LAMB4: variants seen among roughly 807,000 people sequenced by gnomAD.
The protein encoded by LAMB4 is laminin subunit beta-4.
In LAMB4, 196 loss-of-function variants were observed where a neutral mutation model predicts 199.2. That is an observed-to-expected ratio of 0.98 (90% CI 0.88 to 1.11). The LOEUF (loss-of-function observed/expected upper bound fraction) is 1.11, where lower values mean the gene tolerates loss of function less well. Among genes scored for constraint, LAMB4 ranks in the 50% least tolerant of loss-of-function variants. The pLI is 0.00. For missense variants in LAMB4, 2,080 were observed against 2,171.2 expected, an observed-to-expected ratio of 0.96 and a Z score of 0.83; for synonymous variants, 744 against 770.6, an observed-to-expected ratio of 0.97 and a Z score of 0.57.
intron 17 of LAMB4, among the ~76,000 whole-genome samples, chr7:108,071,220 T>C (rs1471202665): frequency 6.6e-6 from 1 of 152,090 alleles, no homozygotes; most frequent in Non-Finnish European, 1.5e-5. Flanking sequence ...GATAGGCAAA[T>C]TTCTTAAAAA....
At chr7:108,085,081 C>G (rs1198986427) in intron 14 of LAMB4, among the ~76,000 whole-genome samples, 2 of 152,098 alleles carry the variant, frequency 1.3e-5, no homozygotes, top group Non-Finnish European at 2.9e-5. Context: ...CGTTAGCCAA[C>G]TACTTCCACT....
chr7:108,081,759 G>C (rs539870413), intron 14 of LAMB4, among the ~76,000 whole-genome samples: 16 of 152,300 alleles, frequency 1.1e-4, no homozygotes, highest in Admixed American at 6.5e-4. Flanking sequence ...ATACAGGCAG[G>C]GAAGGGGAGG....
At chr7:108,018,166 T>C in the LAMB4 span, among the ~76,000 whole-genome samples, 1 of 152,254 alleles carries the variant, frequency 6.6e-6, no homozygotes, top group Non-Finnish European at 1.5e-5. Context: ...TTTCTTTATG[T>C]GCAAGTTTAA....
intron 10 of LAMB4, among the ~76,000 whole-genome samples, chr7:108,100,105 A>G (rs1437716937): frequency 6.6e-6 from 1 of 152,236 alleles, no homozygotes; most frequent in Admixed American, 6.5e-5. Flanking sequence ...TTAATTATGC[A>G]CAGAAGTATC....
intron 14 of LAMB4, among the ~76,000 whole-genome samples, chr7:108,082,591 T>C (rs1262505116): frequency 1.3e-5 from 2 of 152,176 alleles, no homozygotes; most frequent in South Asian, 4.1e-4. Flanking sequence ...TTCATAGTGA[T>C]GTCACTGGAT....
chr7:108,100,710 T>C (rs1384180312), intron 10 of LAMB4, among the ~76,000 whole-genome samples: 1 of 152,232 alleles, frequency 6.6e-6, no homozygotes, highest in African/African-American at 2.4e-5. Context: ...GTTTCAATAA[T>C]TGTATTTCCC....
chr7:108,083,961 G>T (rs2037061485), intron 14 of LAMB4, among the ~76,000 whole-genome samples: 2 of 152,216 alleles, frequency 1.3e-5, no homozygotes, highest in Non-Finnish European at 2.9e-5. Context: ...TCACAAGAAG[G>T]AATTATCATA....
intron 33 of LAMB4, among the ~76,000 whole-genome samples, chr7:108,025,752 G>T (rs2034816487): frequency 6.6e-6 from 1 of 152,080 alleles, no homozygotes; most frequent in Non-Finnish European, 1.5e-5. Context: ...TAGGTTATTT[G>T]GGATTGAAAA....
intron 30 of LAMB4, 74 bp from the exon 31 acceptor site, chr7:108,034,420 T>C: frequency 1.7e-6 from 2 of 1,196,544 alleles, no homozygotes; most frequent in Non-Finnish European, 2.5e-6. Flanking sequence ...AGAGAGTTCA[T>C]TTGACTCAAC....
chr7:108,036,121 G>A (rs2035220714), intron 30 of LAMB4, among the ~76,000 whole-genome samples: 1 of 151,980 alleles, frequency 6.6e-6, no homozygotes, highest in Non-Finnish European at 1.5e-5. Context: ...GCCTCCCAAA[G>A]CACTGGGATT....
intron 12 of LAMB4, among the ~76,000 whole-genome samples, chr7:108,094,363 T>C (rs1182504748): frequency 6.6e-6 from 1 of 152,184 alleles, no homozygotes. Flanking sequence ...AGGTACAATT[T>C]TCAGATTTTT....
intron 14 of LAMB4, among the ~76,000 whole-genome samples, chr7:108,082,126 T>C (rs2036969452): frequency 6.6e-6 from 1 of 151,982 alleles, no homozygotes; most frequent in Non-Finnish European, 1.5e-5. Context: ...GTCAGGAGAT[T>C]GAGACCACCT....
At chr7:108,078,930 C>T (rs1056410604) in intron 15 of LAMB4, among the ~76,000 whole-genome samples, 21 of 152,234 alleles carry the variant, frequency 1.4e-4, no homozygotes, top group African/African-American at 2.2e-4. Context: ...TGTGATGCAC[C>T]GTGGGAGCCT....
the LAMB4 span, among the ~76,000 whole-genome samples, chr7:108,016,494 G>T: frequency 6.6e-6 from 1 of 152,254 alleles, no homozygotes; most frequent in Non-Finnish European, 1.5e-5. Context: ...ATATCGGCCA[G>T]GTTGGTCTCA....
At chr7:108,087,796 C>T (rs551076454) in intron 14 of LAMB4, among the ~76,000 whole-genome samples, 24 of 152,340 alleles carry the variant, frequency 1.6e-4, no homozygotes, top group African/African-American at 5.5e-4. Flanking sequence ...TCTAACCCTT[C>T]AGAACCCAGA....
chr7:108,065,391 C>T (rs1360243554), intron 21 of LAMB4, among the ~76,000 whole-genome samples: 1 of 152,144 alleles, frequency 6.6e-6, no homozygotes, highest in East Asian at 1.9e-4. Context: ...AAGCATTTGA[C>T]TAATTCCATT....
intron 12 of LAMB4, among the ~76,000 whole-genome samples, chr7:108,092,802 G>T (rs2150616216): frequency 6.6e-6 from 1 of 152,288 alleles, no homozygotes; most frequent in East Asian, 1.9e-4. Context: ...TACTCGGGAG[G>T]CTGAGGCAGG....
At chr7:108,077,676 AG>A (rs2036757060) in intron 16 of LAMB4, among the ~76,000 whole-genome samples, 1 of 152,092 alleles carries the variant, frequency 6.6e-6, no homozygotes, top group African/African-American at 2.4e-5. Flanking sequence ...CCTGGGCAAC[AG>A]GGCGAGACTC....
chr7:108,063,711 G>C (rs552763587), intron 22 of LAMB4, 50 bp downstream of exon 22: 1 of 1,469,450 alleles, frequency 6.8e-7, no homozygotes, highest in South Asian at 1.1e-5. Context: ...ACACACTTAT[G>C]AGCTGTCACT....
Sources: allele counts gnomAD v4.1 joint callset (sites outside exome capture counted in the v4.1 genomes callset), GRCh38; gene constraint gnomAD v4.1.1; transcripts MANE v1.5; gene names NCBI Gene and HGNC (gene_info 2026-07-23, HGNC 2026-07-21).